The following LRRC4C variants were observed in gnomAD, a reference collection of about 807,000 sequenced individuals.
LRRC4C encodes the protein leucine rich repeat containing 4C.
LRRC4C carries 5 observed loss-of-function variants against 33.6 expected under a neutral mutation model. The ratio of observed to expected loss-of-function variants is 0.15; its 90% CI spans 0.08 to 0.31. LRRC4C has a LOEUF of 0.31. LRRC4C is among the 10% of genes least tolerant of loss of function. The pLI, the probability that LRRC4C is intolerant of heterozygous loss-of-function variation, is 1.00. For missense variants in LRRC4C, 560 were observed against 796.7 expected, an observed-to-expected ratio of 0.70 and a Z score of 3.58; for synonymous variants, 329 against 302.0, an observed-to-expected ratio of 1.09 and a Z score of -0.93.
chr11:40,205,172 G>A (rs1863053305), intron 5 of LRRC4C, among the ~76,000 whole-genome samples: 1 of 152,172 alleles, frequency 6.6e-6, no homozygotes. Flanking sequence ...TCTCCCTAAG[G>A]GAGTGCCTGA....
At chr11:41,019,127 G>A (rs1855784870) in intron 1 of LRRC4C, among the ~76,000 whole-genome samples, 1 of 151,996 alleles carries the variant, frequency 6.6e-6, no homozygotes, top group Non-Finnish European at 1.5e-5. Flanking sequence ...TATGTGCCAT[G>A]GTGGCTTGCT....
chr11:41,350,509 C>CAAAAAAAAAAAAAAAAAAA (rs71063914), intron 1 of LRRC4C, among the ~76,000 whole-genome samples: 1 of 106,462 alleles, frequency 9.4e-6, no homozygotes, highest in Admixed American at 1.0e-4. Flanking sequence ...GACTCCATCT[C>CAAAAAAAAAAAAAAAAAAA]AAAAAAAAAA....
chr11:41,097,053 C>T (rs1310810285), intron 1 of LRRC4C, among the ~76,000 whole-genome samples: 1 of 152,122 alleles, frequency 6.6e-6, no homozygotes, highest in Non-Finnish European at 1.5e-5. Flanking sequence ...AAGCATATTG[C>T]TTCTTTTTCC....
intron 4 of LRRC4C, among the ~76,000 whole-genome samples, chr11:40,314,200 ACAAAG>A (rs1182856862): frequency 6.6e-6 from 1 of 152,060 alleles, no homozygotes; most frequent in Admixed American, 6.5e-5. Context: ...AAAAACAAAA[ACAAAG>A]CAAACAATCT....
intron 2 of LRRC4C, among the ~76,000 whole-genome samples, chr11:40,928,596 C>A (rs1957488934): frequency 6.6e-6 from 1 of 151,916 alleles, no homozygotes; most frequent in Non-Finnish European, 1.5e-5. Context: ...CTTAAAGGTA[C>A]TTAAGAAGGC....
intron 5 of LRRC4C, among the ~76,000 whole-genome samples, chr11:40,210,112 G>A (rs1246668799): frequency 2.0e-5 from 3 of 151,832 alleles, no homozygotes; most frequent in Non-Finnish European, 4.4e-5. Context: ...ATTTATTTGT[G>A]TATAAAGATT....
intron 5 of LRRC4C, among the ~76,000 whole-genome samples, chr11:40,205,128 G>A (rs910560623): frequency 6.6e-6 from 1 of 152,190 alleles, no homozygotes; most frequent in African/African-American, 2.4e-5. Context: ...AGAAGGTGCT[G>A]AGCCTTAGGT....
intron 2 of LRRC4C, among the ~76,000 whole-genome samples, chr11:40,712,096 A>C (rs1194313530): frequency 6.6e-6 from 1 of 151,324 alleles, no homozygotes; most frequent in Non-Finnish European, 1.5e-5. Flanking sequence ...TGAAATTATA[A>C]AGGAATTTCT....
At chr11:40,200,406 G>A (rs1862629916) in intron 5 of LRRC4C, among the ~76,000 whole-genome samples, 1 of 151,120 alleles carries the variant, frequency 6.6e-6, no homozygotes, top group Middle Eastern at 3.4e-3. Flanking sequence ...TGGGTACTTA[G>A]AACACACTGC....
At chr11:41,227,206 G>A (rs560302694) in intron 1 of LRRC4C, among the ~76,000 whole-genome samples, 30 of 151,738 alleles carry the variant, frequency 2.0e-4, no homozygotes, top group African/African-American at 6.8e-4. Flanking sequence ...ATATTTTCCC[G>A]AAGTACTATG....
intron 5 of LRRC4C, among the ~76,000 whole-genome samples, chr11:40,215,039 A>G (rs1374370320): frequency 2.6e-5 from 4 of 152,128 alleles, no homozygotes; most frequent in Non-Finnish European, 5.9e-5. Flanking sequence ...TTAATCAATG[A>G]TGCAAATCTG....
At chr11:41,410,945 T>C (rs1047657962) in intron 1 of LRRC4C, among the ~76,000 whole-genome samples, 3 of 151,798 alleles carry the variant, frequency 2.0e-5, no homozygotes, top group South Asian at 2.1e-4. Flanking sequence ...TCTAAATCAA[T>C]TGATAAATCT....
At chr11:40,140,985 G>A (rs1313331609) in intron 5 of LRRC4C, 132 bp from the exon 6 acceptor site, 2 of 152,662 alleles carry the variant, frequency 1.3e-5, no homozygotes, top group Non-Finnish European at 2.9e-5. Flanking sequence ...AATTGCCACT[G>A]TATTTTAACA....
intron 2 of LRRC4C, among the ~76,000 whole-genome samples, chr11:40,800,942 C>T (rs566056078): frequency 3.9e-5 from 6 of 152,074 alleles, no homozygotes; most frequent in Non-Finnish European, 8.8e-5. Flanking sequence ...AATCTTGTTC[C>T]TTAAATACAT....
intron 2 of LRRC4C, among the ~76,000 whole-genome samples, chr11:40,850,909 A>C (rs1013680955): frequency 6.6e-5 from 10 of 152,096 alleles, no homozygotes; most frequent in Non-Finnish European, 1.2e-4. Flanking sequence ...CAAACTTCCC[A>C]GTGGCTTTGT....
intron 1 of LRRC4C, among the ~76,000 whole-genome samples, chr11:41,234,162 G>A (rs1227600262): frequency 6.6e-6 from 1 of 151,778 alleles, no homozygotes; most frequent in East Asian, 1.9e-4. Flanking sequence ...CCTCATACCT[G>A]AACCATACCT....
chr11:40,832,570 T>A (rs1952466641), intron 2 of LRRC4C, among the ~76,000 whole-genome samples: 1 of 152,126 alleles, frequency 6.6e-6, no homozygotes, highest in South Asian at 2.1e-4. Context: ...TACTTCAGTC[T>A]TAGTTAATGA....
intron 5 of LRRC4C, among the ~76,000 whole-genome samples, chr11:40,215,568 T>C (rs1413383066): frequency 6.6e-6 from 1 of 152,192 alleles, no homozygotes; most frequent in Non-Finnish European, 1.5e-5. Flanking sequence ...GCAATAACTG[T>C]TGTCCAGATA....
At chr11:40,285,410 G>C (rs906628742) in intron 4 of LRRC4C, among the ~76,000 whole-genome samples, 3 of 152,164 alleles carry the variant, frequency 2.0e-5, no homozygotes, top group Non-Finnish European at 4.4e-5. Context: ...ACACAAGAAG[G>C]ACTAACATCA....
Sources: gnomAD v4.1 joint callset for allele counts (sites outside exome capture counted in the v4.1 genomes callset) on GRCh38, gnomAD v4.1.1 for gene constraint, MANE v1.5 for transcripts, NCBI Gene and HGNC (gene_info 2026-07-23, HGNC 2026-07-21) for gene names.